The following CSMD1 variants were observed in gnomAD, a reference collection of about 807,000 sequenced individuals.
CSMD1 encodes CUB and Sushi multiple domains 1, also known as CUB and sushi domain-containing protein 1.
CSMD1 carries 213 observed loss-of-function variants against 417.5 expected under a neutral mutation model. The ratio of observed to expected loss-of-function variants is 0.51; its 90% CI spans 0.46 to 0.57. The LOEUF (loss-of-function observed/expected upper bound fraction) is 0.57. Among genes scored for constraint, CSMD1 ranks in the 20% least tolerant of loss-of-function variants. CSMD1 has a pLI of 0.00. For missense variants in CSMD1, 6,923 were observed against 4,529.7 expected (o/e 1.53, Z -15.17); for synonymous variants, 2,862 against 1,736.8 (o/e 1.65, Z -16.11).
intron 49 of CSMD1, 119 bp from the exon 50 acceptor site, chr8:3,052,766 TA>T: frequency 3.1e-6 from 2 of 653,744 alleles, no homozygotes. Context: ...TTGTGAATTA[TA>T]TTTCTTTTTT....
At chr8:4,058,894 G>C (rs147487691) in intron 3 of CSMD1, among the ~76,000 whole-genome samples, 5 of 151,860 alleles carry the variant, frequency 3.3e-5, no homozygotes, top group Non-Finnish European at 5.9e-5. Flanking sequence ...GAGAGAGAAA[G>C]TTAACAAGGA....
intron 37 of CSMD1, among the ~76,000 whole-genome samples, chr8:3,166,362 C>T (rs1563102984): frequency 6.6e-6 from 1 of 152,016 alleles, no homozygotes; most frequent in African/African-American, 2.4e-5. Flanking sequence ...CCTGAAACCC[C>T]GTCTCGACCA....
intron 3 of CSMD1, among the ~76,000 whole-genome samples, chr8:4,389,468 G>C (rs146048869): frequency 3.3e-5 from 5 of 152,198 alleles, no homozygotes; most frequent in Non-Finnish European, 7.4e-5. Flanking sequence ...AATTTGGTTA[G>C]TGCTTTTTTT....
At chr8:4,704,244 C>A (rs962953189) in intron 1 of CSMD1, among the ~76,000 whole-genome samples, 3 of 152,196 alleles carry the variant, frequency 2.0e-5, no homozygotes, top group Admixed American at 2.0e-4. Flanking sequence ...CATTTGTAAT[C>A]CCTGTGCTAT....
intron 7 of CSMD1, among the ~76,000 whole-genome samples, chr8:3,686,254 C>G (rs1270210725): frequency 6.6e-6 from 1 of 152,130 alleles, no homozygotes; most frequent in Admixed American, 6.5e-5. Context: ...AATCAGAGCG[C>G]TTGGAATACA....
intron 5 of CSMD1, among the ~76,000 whole-genome samples, chr8:3,777,664 G>A (rs1334435273): frequency 1.3e-5 from 2 of 152,240 alleles, no homozygotes; most frequent in African/African-American, 2.4e-5. Context: ...GAGCCTCCTT[G>A]AAGTGCAGAG....
chr8:4,298,595 A>G (rs996825490), intron 3 of CSMD1, among the ~76,000 whole-genome samples: 7 of 152,188 alleles, frequency 4.6e-5, no homozygotes, highest in African/African-American at 1.7e-4. Context: ...ATATTGATAC[A>G]CATATTTAAT....
chr8:3,132,386 T>C (rs1817837926), intron 41 of CSMD1, among the ~76,000 whole-genome samples: 1 of 152,036 alleles, frequency 6.6e-6, no homozygotes, highest in Non-Finnish European at 1.5e-5. Flanking sequence ...TACAACTTAA[T>C]GGGTTTAGAT....
intron 2 of CSMD1, among the ~76,000 whole-genome samples, chr8:4,450,927 G>A (rs1208644415): frequency 6.6e-6 from 1 of 151,870 alleles, no homozygotes; most frequent in Non-Finnish European, 1.5e-5. Flanking sequence ...GAGAGGAAAG[G>A]GCCAATAAAA....
intron 2 of CSMD1, among the ~76,000 whole-genome samples, chr8:4,614,864 A>G (rs989366695): frequency 6.6e-6 from 1 of 152,228 alleles, no homozygotes; most frequent in African/African-American, 2.4e-5. Flanking sequence ...AAACCTAAAG[A>G]TATAAAGTAT....
chr8:4,156,625 G>A lies in CSMD1; in HGVS notation c.416-124526C>T. 1.3e-5 allele frequency among the ~76,000 whole-genome samples: 2 copies of A among 152,114 alleles called. 1 individual carries two copies. Among genetic ancestry groups the A allele is most frequent in the South Asian group, 4.1e-4 (2 of 4,822 alleles). On this transcript the variant is annotated intron_variant, in intron 3 of 69. Transcript: ENST00000635120. ...ATATTAAAAACAATGGGAAACAGTAGTTTTTGCTATTTGGTGATACCAGGT... is the reference window on the plus strand; with the variant it reads ...ATATTAAAAACAATGGGAAACAGTAATTTTTGCTATTTGGTGATACCAGGT...
At position 3,772,187 on chromosome 8, in the gene CSMD1, T is replaced by TAC. The variant is rs1798609827; in HGVS notation, c.819-18146_819-18145insGT. Among the ~76,000 whole-genome samples, 3 of 66,400 alleles carry TAC rather than the reference T, an allele frequency of 4.5e-5. 1 individual carries two copies. The highest frequency in any genetic ancestry group is 1.5e-4 in the African/African-American group (3 of 20,156). The allele number at this position is 66,400 out of a possible 152,430, so 43.6% of individuals were successfully genotyped here. A position where few individuals can be genotyped will look rare whatever the true frequency, so the allele number is the denominator to read the frequency against. The stretch of plus-strand genomic sequence containing the variant: ...GGCAACATATATATATATATATATA[T>TAC]ATACACACACACACACACACACACA... On this transcript the variant is annotated intron_variant, in intron 5 of 69. Transcript: ENST00000635120.
chr8:4,882,770 G>A (rs1050399360), intron 1 of CSMD1, among the ~76,000 whole-genome samples: 2 of 151,660 alleles, frequency 1.3e-5, no homozygotes, highest in Admixed American at 6.6e-5. Context: ...AAAAAAAACA[G>A]AATGCCTTAC....
intron 3 of CSMD1, among the ~76,000 whole-genome samples, chr8:4,326,119 C>G (rs935065743): frequency 2.0e-5 from 3 of 152,146 alleles, no homozygotes. Context: ...CAGGGCCCTA[C>G]CGTCAGCGTT....
intron 11 of CSMD1, among the ~76,000 whole-genome samples, chr8:3,491,742 G>T (rs1018568272): frequency 2.6e-5 from 4 of 152,204 alleles, no homozygotes; most frequent in African/African-American, 9.6e-5. Flanking sequence ...GATAAGGTGA[G>T]TATAACAGAC....
chr8:3,822,574 T>G (rs1223908899), intron 5 of CSMD1, among the ~76,000 whole-genome samples: 1 of 152,198 alleles, frequency 6.6e-6, no homozygotes, highest in Non-Finnish European at 1.5e-5. Context: ...TATCACTTCA[T>G]GGGTTTATTG....
At chr8:3,285,498 T>G (rs1232998282) in intron 25 of CSMD1, among the ~76,000 whole-genome samples, 1 of 151,974 alleles carries the variant, frequency 6.6e-6, no homozygotes, top group African/African-American at 2.4e-5. Flanking sequence ...GTGATTCTCC[T>G]GCCTCAGCCT....
At chr8:3,968,971 G>C (rs539534333) in intron 5 of CSMD1, among the ~76,000 whole-genome samples, 2 of 152,130 alleles carry the variant, frequency 1.3e-5, no homozygotes, top group Non-Finnish European at 2.9e-5. Flanking sequence ...CTAATGCAGG[G>C]CAGGGACAGT....
At chr8:3,833,624 TGGAAGTG>T (rs1189145128) in intron 5 of CSMD1, among the ~76,000 whole-genome samples, 2 of 152,108 alleles carry the variant, frequency 1.3e-5, no homozygotes, top group Non-Finnish European at 2.9e-5. Context: ...TTAAAACACA[TGGAAGTG>T]TCTCTCACAG....
Sources: gnomAD v4.1 joint callset for allele counts (sites outside exome capture counted in the v4.1 genomes callset) on GRCh38, gnomAD v4.1.1 for gene constraint, MANE v1.5 for transcripts, NCBI Gene and HGNC (gene_info 2026-07-23, HGNC 2026-07-21) for gene names.